The following PLCG2 variants were observed in gnomAD, a reference collection of about 807,000 sequenced individuals.
PLCG2 encodes the protein phospholipase C gamma 2, also known as 1-phosphatidylinositol 4,5-bisphosphate phosphodiesterase gamma-2.
In PLCG2, 69 loss-of-function variants were observed where a neutral mutation model predicts 175.6. The ratio of observed to expected loss-of-function variants is 0.39; its 90% CI spans 0.32 to 0.48. The LOEUF (loss-of-function observed/expected upper bound fraction) is 0.48. Ranked by LOEUF, PLCG2 falls within the 20% of genes least tolerant of loss-of-function variation. PLCG2 has a pLI of 0.91. For synonymous variants in PLCG2, 827 were observed against 624.0 expected (o/e 1.33, Z -4.85); for missense variants, 1,798 against 1,650.9 (o/e 1.09, Z -1.54).
intron 2 of PLCG2, among the ~76,000 whole-genome samples, chr16:81,817,763 A>T (rs568381002): frequency 1.2e-4 from 18 of 152,370 alleles, no homozygotes; most frequent in African/African-American, 4.3e-4. Flanking sequence ...CTGGGGTTAC[A>T]GGCATAAGCC....
At chr16:81,814,997 A>G (rs567730287) in intron 2 of PLCG2, among the ~76,000 whole-genome samples, 26 of 152,348 alleles carry the variant, frequency 1.7e-4, no homozygotes, top group African/African-American at 5.1e-4. Flanking sequence ...TTTTATTATT[A>G]TCAGGACTGC....
chr16:81,877,420 A>G (rs1435799670), intron 7 of PLCG2, among the ~76,000 whole-genome samples: 1 of 152,124 alleles, frequency 6.6e-6, no homozygotes, highest in Non-Finnish European at 1.5e-5. Context: ...GCGCCACTGC[A>G]CTCCAGCCTG....
chr16:81,925,146 G>C (rs770048651), intron 22 of PLCG2, among the ~76,000 whole-genome samples: 1 of 152,192 alleles, frequency 6.6e-6, no homozygotes, highest in African/African-American at 2.4e-5. Flanking sequence ...AATTTCGAAG[G>C]CTCTTGTCTT....
chr16:81,812,189 A>G (rs1228984843), intron 2 of PLCG2, among the ~76,000 whole-genome samples: 2 of 151,738 alleles, frequency 1.3e-5, no homozygotes, highest in African/African-American at 2.4e-5. Flanking sequence ...AGCTGGGACT[A>G]CAGGCACCTG....
At chr16:81,904,841 T>TGGGGCTAGAGA (rs1343817905) in intron 14 of PLCG2, among the ~76,000 whole-genome samples, 1 of 152,122 alleles carries the variant, frequency 6.6e-6, no homozygotes, top group African/African-American at 2.4e-5. Flanking sequence ...AAAGCAGGCT[T>TGGGGCTAGAGA]GGGGCTAGAG....
chr16:81,826,024 C>A (rs1483173902), intron 2 of PLCG2, among the ~76,000 whole-genome samples: 4 of 152,176 alleles, frequency 2.6e-5, no homozygotes, highest in African/African-American at 7.2e-5. Flanking sequence ...TCTGGTCGCA[C>A]TGGGTATCTA....
intron 2 of PLCG2, among the ~76,000 whole-genome samples, chr16:81,816,364 C>T (rs1438093470): frequency 6.6e-6 from 1 of 152,156 alleles, no homozygotes; most frequent in Non-Finnish European, 1.5e-5. Flanking sequence ...GAGTAAGGCC[C>T]TGTCTCAAAA....
At position 81,805,509 on chromosome 16, in the gene PLCG2, A is replaced by C. The variant is rs560089080; in HGVS notation, c.193+19327A>C. Among the ~76,000 whole-genome samples the C allele has an allele frequency of 6.6e-5, 10 of 151,098 alleles. No individual in the cohort carries two copies. The South Asian group carries it at 1.7e-3, about 25-fold the overall frequency. On this transcript the variant is annotated intron_variant, in intron 2 of 32. Transcript: ENST00000564138. ...GCGAGACTCCATCTCAGAAAAAAAA[A>C]AAAAAAAAACAAAACGCAAGAAAAC...
At chr16:81,820,261 C>A (rs1310238073) in intron 2 of PLCG2, among the ~76,000 whole-genome samples, 2 of 152,160 alleles carry the variant, frequency 1.3e-5, no homozygotes, top group Non-Finnish European at 2.9e-5. Context: ...CACAGAACAC[C>A]TTCCATCGCA....
chr16:81,769,842 A>G (rs1296729685), intron 2 of PLCG2, among the ~76,000 whole-genome samples: 2 of 150,092 alleles, frequency 1.3e-5, no homozygotes, highest in South Asian at 2.1e-4. Context: ...AAAAAAAAAA[A>G]AAAAGAAAAA....
intron 1 of PLCG2, among the ~76,000 whole-genome samples, chr16:81,749,944 C>G (rs1909773792): frequency 6.6e-6 from 1 of 151,768 alleles, no homozygotes; most frequent in Non-Finnish European, 1.5e-5. Flanking sequence ...TGCAAGGTAC[C>G]ATGGTTGAGA....
intron 20 of PLCG2, 108 bp from the exon 21 acceptor site, chr16:81,921,090 C>T: frequency 1.5e-6 from 1 of 660,902 alleles, no homozygotes; most frequent in East Asian, 2.8e-5. Flanking sequence ...GTTTCAACTC[C>T]TCTATCAAAG....
upstream of PLCG2, among the ~76,000 whole-genome samples, chr16:81,778,053 AAC>A (rs1910515632): frequency 5.8e-5 from 3 of 52,020 alleles, no homozygotes; most frequent in Admixed American, 4.9e-4. Flanking sequence ...CAAAAAAAAA[AAC>A]AAAAAAAACC....
intron 1 of PLCG2, among the ~76,000 whole-genome samples, chr16:81,785,234 C>G (rs4561462): frequency 0.43 from 64,690 of 151,664 alleles, 13,951 homozygotes; most frequent in South Asian, 0.64. Flanking sequence ...AAGGACACCT[C>G]CTAGGTGCTG....
intron 2 of PLCG2, among the ~76,000 whole-genome samples, chr16:81,813,812 C>G (rs1238302249): frequency 6.6e-6 from 1 of 152,188 alleles, no homozygotes; most frequent in Non-Finnish European, 1.5e-5. Flanking sequence ...GCATGGTGGT[C>G]TCATAGTAGC....
chr16:81,781,527 C>T (rs147948428), intron 1 of PLCG2, among the ~76,000 whole-genome samples: 1 of 152,050 alleles, frequency 6.6e-6, no homozygotes, highest in African/African-American at 2.4e-5. Context: ...AGGATCGAAG[C>T]ATATGCGTGT....
intron 23 of PLCG2, 122 bp from the exon 24 acceptor site, chr16:81,928,436 T>C (rs1289060792): frequency 8.6e-6 from 6 of 694,768 alleles, no homozygotes; most frequent in Admixed American, 3.9e-5. Context: ...TATCTGGTAA[T>C]GAAAATGCAT....
intron 19 of PLCG2, among the ~76,000 whole-genome samples, chr16:81,917,082 C>G (rs1046304852): frequency 6.6e-6 from 1 of 152,210 alleles, no homozygotes; most frequent in Non-Finnish European, 1.5e-5. Context: ...TGGTAACCAC[C>G]ATTCTACTCT....
upstream of PLCG2, among the ~76,000 whole-genome samples, chr16:81,774,349 A>G (rs181996117): frequency 2.0e-5 from 3 of 151,746 alleles, no homozygotes; most frequent in Non-Finnish European, 1.5e-5. Context: ...ACAAAACAAA[A>G]CAAAACCCAC....
Sources: allele counts gnomAD v4.1 joint callset (sites outside exome capture counted in the v4.1 genomes callset), GRCh38; gene constraint gnomAD v4.1.1; transcripts MANE v1.5; gene names NCBI Gene and HGNC (gene_info 2026-07-23, HGNC 2026-07-21).